Variants in RANBP2 observed in about 807,000 individuals in gnomAD.
RANBP2 encodes the protein RAN binding protein 2.
RANBP2 carries 57 observed loss-of-function variants against 303.6 expected under a neutral mutation model. The observed-to-expected ratio is 0.19, with a 90% CI of 0.15 to 0.23. The LOEUF (loss-of-function observed/expected upper bound fraction) is 0.23, where lower values mean the gene tolerates loss of function less well. Among genes scored for constraint, RANBP2 ranks in the 10% least tolerant of loss-of-function variants. The pLI, the probability that RANBP2 is intolerant of heterozygous loss-of-function variation, is 1.00. For missense variants in RANBP2, 3,138 were observed against 3,780.8 expected (o/e 0.83, Z 4.46); for synonymous variants, 1,167 against 1,301.5 (o/e 0.90, Z 2.23).
At chr2:108,803,164 G>C in the RANBP2 span, among the ~76,000 whole-genome samples, 1 of 152,206 alleles carries the variant, frequency 6.6e-6, no homozygotes, top group Non-Finnish European at 1.5e-5. Context: ...CCAAGACTTA[G>C]GTAATAGTTT....
At chr2:108,838,467 A>G in the RANBP2 span, among the ~76,000 whole-genome samples, 1 of 152,176 alleles carries the variant, frequency 6.6e-6, no homozygotes, top group Non-Finnish European at 1.5e-5. Flanking sequence ...GTAGCAATAA[A>G]TATCTTTGTA....
the RANBP2 span, among the ~76,000 whole-genome samples, chr2:109,257,737 C>CA: frequency 6.6e-6 from 1 of 151,912 alleles, no homozygotes; most frequent in Admixed American, 6.6e-5. Context: ...TCTCAGTGTC[C>CA]AAAAAAACCA....
the RANBP2 span, among the ~76,000 whole-genome samples, chr2:108,858,802 A>G: frequency 2.0e-5 from 3 of 151,984 alleles, no homozygotes; most frequent in African/African-American, 7.3e-5. Flanking sequence ...CTCGTCATTT[A>G]GGATAATGGC....
the RANBP2 span, among the ~76,000 whole-genome samples, chr2:109,442,476 T>C: frequency 6.6e-6 from 1 of 152,182 alleles, no homozygotes; most frequent in Non-Finnish European, 1.5e-5. Context: ...TTTCTTATTA[T>C]TTGAATATCT....
chr2:109,216,823 A>G, the RANBP2 span, among the ~76,000 whole-genome samples: 1 of 152,232 alleles, frequency 6.6e-6, no homozygotes, highest in Non-Finnish European at 1.5e-5. Context: ...AGCCATTTGT[A>G]AGCAAACAGT....
At chr2:109,366,870 T>C in the RANBP2 span, among the ~76,000 whole-genome samples, 23 of 152,236 alleles carry the variant, frequency 1.5e-4, no homozygotes, top group African/African-American at 5.1e-4. Flanking sequence ...AATAAATAAA[T>C]AAACAAAAAG....
chr2:109,750,726 A>ATAG, the RANBP2 span, among the ~76,000 whole-genome samples: 1 of 113,702 alleles, frequency 8.8e-6, no homozygotes, highest in Non-Finnish European at 1.8e-5. Context: ...AATAATAATA[A>ATAG]TAATTTTTTT....
the RANBP2 span, among the ~76,000 whole-genome samples, chr2:108,830,636 G>T: frequency 3.3e-5 from 5 of 151,588 alleles, no homozygotes; most frequent in African/African-American, 1.2e-4. Flanking sequence ...GTGAAACTCT[G>T]TCTCTACTAA....
chr2:108,723,645 C>G (rs1215203831), intron 1 of RANBP2, among the ~76,000 whole-genome samples: 3 of 152,160 alleles, frequency 2.0e-5, no homozygotes, highest in Non-Finnish European at 2.9e-5. Context: ...GTTTGCCCCT[C>G]ATTCTTTCAG....
the RANBP2 span, among the ~76,000 whole-genome samples, chr2:109,407,007 T>C: frequency 1.3e-5 from 2 of 152,194 alleles, no homozygotes; most frequent in Non-Finnish European, 2.9e-5. Context: ...GACGACACCT[T>C]TCCAAAGTAA....
the RANBP2 span, among the ~76,000 whole-genome samples, chr2:109,515,469 G>A: frequency 6.6e-6 from 1 of 152,044 alleles, no homozygotes; most frequent in Non-Finnish European, 1.5e-5. Context: ...TGGAGTGGAG[G>A]ACAAGAGCCA....
At chr2:109,194,743 G>C in the RANBP2 span, among the ~76,000 whole-genome samples, 33 of 152,338 alleles carry the variant, frequency 2.2e-4, no homozygotes, top group Middle Eastern at 3.4e-3. Flanking sequence ...GGCCGGGGAT[G>C]CTTCCAATCC....
the RANBP2 span, among the ~76,000 whole-genome samples, chr2:109,340,181 C>T: frequency 6.6e-6 from 1 of 152,158 alleles, no homozygotes; most frequent in Non-Finnish European, 1.5e-5. Context: ...GTCAGACCAC[C>T]TGGATCCAGT....
chr2:109,188,915 A>G, the RANBP2 span, among the ~76,000 whole-genome samples: 13 of 151,932 alleles, frequency 8.6e-5, no homozygotes, highest in African/African-American at 3.1e-4. Flanking sequence ...TAGTCTCACA[A>G]CTTTTTCTTT....
At chr2:108,936,779 G>A in the RANBP2 span, among the ~76,000 whole-genome samples, 34 of 152,200 alleles carry the variant, frequency 2.2e-4, no homozygotes, top group African/African-American at 7.2e-4. Flanking sequence ...TGGGAGGAGA[G>A]GGATGCATTC....
rs781409199 is a variant in RANBP2, at chr2:108,764,257, T to C, written c.3718T>C (p.Leu1240=). 1 of 1,614,038 alleles carries C rather than the reference T, an allele frequency of 6.2e-7. No individual in the cohort carries two copies. Among genetic ancestry groups the C allele is most frequent in the Non-Finnish European group, 8.5e-7 (1 of 1,179,992 alleles). The change falls in exon 20 of 29, where the codon TTG becomes CTG. Residue 1240 remains leucine (L), a synonymous_variant. Transcript: ENST00000283195. ...IRLLMRREQV[L]KICANHYISP... ...CCTTCTAATGAGACGAGAGCAAGTA[T>C]TGAAAATCTGTGCAAATCATTACAT...
chr2:109,515,889 T>C, the RANBP2 span, among the ~76,000 whole-genome samples: 1 of 152,072 alleles, frequency 6.6e-6, no homozygotes, highest in Non-Finnish European at 1.5e-5. Context: ...CACCAAGCCA[T>C]TCCTGAGGGA....
chr2:109,386,341 G>T, the RANBP2 span, among the ~76,000 whole-genome samples: 1 of 152,144 alleles, frequency 6.6e-6, no homozygotes, highest in East Asian at 1.9e-4. Context: ...GCTGGAAGCA[G>T]CAGGGAAGGT....
chr2:109,328,646 T>C, the RANBP2 span, among the ~76,000 whole-genome samples: 4 of 152,304 alleles, frequency 2.6e-5, no homozygotes, highest in Middle Eastern at 3.4e-3. Flanking sequence ...GGTACTGATA[T>C]AGGAAGGGAA....
Sources: gnomAD v4.1 joint callset for allele counts (sites outside exome capture counted in the v4.1 genomes callset) on GRCh38, gnomAD v4.1.1 for gene constraint, MANE v1.5 for transcripts, NCBI Gene and HGNC (gene_info 2026-07-23, HGNC 2026-07-21) for gene names.